MBD5: variants seen among roughly 807,000 people sequenced by gnomAD.
MBD5 encodes the protein methyl-CpG-binding domain protein 5.
Under a neutral mutation model 117.3 loss-of-function variants are expected in MBD5, and 13 were observed. That is an observed-to-expected ratio of 0.11 (90% CI 0.07 to 0.18). The LOEUF is 0.18. MBD5 is among the 10% of genes least tolerant of loss of function. The pLI is 1.00. For synonymous variants in MBD5, 727 were observed against 766.4 expected (o/e 0.95, Z 0.85); for missense variants, 1,879 against 2,093.8 (o/e 0.90, Z 2.00).
At chr2:148,434,992 A>G (rs11893531) in intron 4 of MBD5, among the ~76,000 whole-genome samples, 23 of 152,250 alleles carry the variant, frequency 1.5e-4, no homozygotes, top group African/African-American at 5.3e-4. Flanking sequence ...TGTCATTTAC[A>G]TAATGGTAAG....
At chr2:148,507,391 T>C (rs563866344) in intron 12 of MBD5, among the ~76,000 whole-genome samples, 86 of 152,364 alleles carry the variant, frequency 5.6e-4, no homozygotes, top group Non-Finnish European at 1.1e-3. Context: ...AAGTATCACA[T>C]ACAAACAGTT....
At chr2:148,231,260 C>A (rs574019453) in intron 2 of MBD5, among the ~76,000 whole-genome samples, 1 of 152,284 alleles carries the variant, frequency 6.6e-6, no homozygotes, top group South Asian at 2.1e-4. Context: ...TCTGGCTAAA[C>A]AGGCCTGGTT....
intron 1 of MBD5, among the ~76,000 whole-genome samples, chr2:148,081,827 A>G (rs994267167): frequency 1.3e-5 from 2 of 152,128 alleles, no homozygotes; most frequent in African/African-American, 4.8e-5. Context: ...ACTGTAACTT[A>G]TGGTTTTGTG....
At chr2:148,169,669 ATATTTC>A (rs1229445724) in intron 1 of MBD5, among the ~76,000 whole-genome samples, 21 of 152,138 alleles carry the variant, frequency 1.4e-4, no homozygotes, top group South Asian at 4.1e-4. Flanking sequence ...TCTAATGAAA[ATATTTC>A]ACTTACTGTT....
Position 148,021,429 on chromosome 2 carries a change from G to T in MBD5, c.-1180G>T. 1 of 547,848 alleles carries T rather than the reference G, an allele frequency of 1.8e-6. No individual in the cohort carries two copies. 33.9% of individuals were successfully genotyped at this position (547,848 alleles called of 1,614,324 possible). On this transcript the variant is annotated 5_prime_UTR_variant, in exon 1 of 14. Transcript: ENST00000642680. ...AGAGGAGGAGAGAAAGAAACCAAAA[G>T]CCTCTTAGCAACACAGACCCTTTGC...
intron 11 of MBD5, among the ~76,000 whole-genome samples, chr2:148,495,656 T>C (rs1681677719): frequency 6.6e-6 from 1 of 152,228 alleles, no homozygotes; most frequent in Non-Finnish European, 1.5e-5. Flanking sequence ...ACTACCTGGT[T>C]AAATGAAGAC....
At chr2:148,342,801 G>A (rs1030905477) in intron 4 of MBD5, among the ~76,000 whole-genome samples, 5 of 151,812 alleles carry the variant, frequency 3.3e-5, no homozygotes, top group African/African-American at 1.2e-4. Flanking sequence ...GATTCAGGGG[G>A]TACATGTGCA....
At chr2:148,102,682 C>CAT (rs1178843143) in intron 1 of MBD5, among the ~76,000 whole-genome samples, 3 of 148,210 alleles carry the variant, frequency 2.0e-5, no homozygotes, top group East Asian at 2.0e-4. Context: ...CACACACACA[C>CAT]ACAGAGAGAG....
chr2:148,342,760 A>T (rs989867799), intron 4 of MBD5, among the ~76,000 whole-genome samples: 1 of 151,872 alleles, frequency 6.6e-6, no homozygotes, highest in African/African-American at 2.4e-5. Flanking sequence ...TTTAAAAAAA[A>T]TTTATTTTTT....
intron 3 of MBD5, among the ~76,000 whole-genome samples, chr2:148,332,670 T>A (rs1233683332): frequency 1.3e-5 from 2 of 152,136 alleles, no homozygotes; most frequent in East Asian, 3.9e-4. Context: ...ATAGTCTGAT[T>A]TCTGTTTTAT....
intron 1 of MBD5, among the ~76,000 whole-genome samples, chr2:148,059,785 G>T (rs1019585037): frequency 6.6e-6 from 1 of 151,728 alleles, no homozygotes; most frequent in Non-Finnish European, 1.5e-5. Context: ...GGCGGAGCTT[G>T]CAGTGAGCCA....
intron 1 of MBD5, among the ~76,000 whole-genome samples, chr2:148,032,716 T>C (rs1694074501): frequency 6.6e-6 from 1 of 152,172 alleles, no homozygotes; most frequent in Non-Finnish European, 1.5e-5. Context: ...AAAAACCTAC[T>C]ATTAATTATA....
At chr2:148,142,547 C>G (rs1298280233) in intron 1 of MBD5, among the ~76,000 whole-genome samples, 2 of 152,118 alleles carry the variant, frequency 1.3e-5, no homozygotes, top group Non-Finnish European at 2.9e-5. Context: ...AAATACTTTC[C>G]TTGGACTGTT....
chr2:148,200,270 C>G (rs562564433), intron 2 of MBD5, among the ~76,000 whole-genome samples: 17 of 151,804 alleles, frequency 1.1e-4, no homozygotes, highest in Admixed American at 9.9e-4. Flanking sequence ...TACGCAACAC[C>G]GAGGCAGGGT....
chr2:148,046,184 A>G (rs1007920919), intron 1 of MBD5, among the ~76,000 whole-genome samples: 2 of 151,842 alleles, frequency 1.3e-5, no homozygotes, highest in Non-Finnish European at 2.9e-5. Context: ...GGGTTTCACC[A>G]TGTTGGCCAG....
At chr2:148,302,762 C>G (rs1354257735) in intron 3 of MBD5, among the ~76,000 whole-genome samples, 1 of 151,732 alleles carries the variant, frequency 6.6e-6, no homozygotes, top group Non-Finnish European at 1.5e-5. Flanking sequence ...TTCCGAGTAG[C>G]TGGCACTACA....
chr2:148,368,853 TA>T (rs1157194923), intron 4 of MBD5, among the ~76,000 whole-genome samples: 1 of 152,142 alleles, frequency 6.6e-6, no homozygotes, highest in African/African-American at 2.4e-5. Flanking sequence ...TATTAGATGC[TA>T]AAATTAGCGA....
At chr2:148,371,710 T>C (rs577573028) in intron 4 of MBD5, among the ~76,000 whole-genome samples, 62 of 152,292 alleles carry the variant, frequency 4.1e-4, no homozygotes, top group African/African-American at 1.5e-3. Flanking sequence ...TTTCTTATAC[T>C]TAACGTGAGA....
At chr2:148,334,818 T>C (rs1020730242) in intron 3 of MBD5, among the ~76,000 whole-genome samples, 2 of 152,188 alleles carry the variant, frequency 1.3e-5, no homozygotes, top group African/African-American at 4.8e-5. Context: ...AAATATCTTT[T>C]GAAATGCCAA....
Sources: gnomAD v4.1 joint callset for allele counts (sites outside exome capture counted in the v4.1 genomes callset) on GRCh38, gnomAD v4.1.1 for gene constraint, MANE v1.5 for transcripts, NCBI Gene and HGNC (gene_info 2026-07-23, HGNC 2026-07-21) for gene names.